The following TBC1D16 variants were observed in gnomAD, a reference collection of about 807,000 sequenced individuals.
The protein encoded by TBC1D16 is CTD-2529O21.1.
Under a neutral mutation model 74.7 loss-of-function variants are expected in TBC1D16, and 58 were observed. The ratio of observed to expected loss-of-function variants is 0.78; its 90% CI spans 0.63 to 0.97. The LOEUF (loss-of-function observed/expected upper bound fraction) is 0.97. TBC1D16 is among the 50% of genes least tolerant of loss of function. The pLI is 0.00. For synonymous variants in TBC1D16, 493 were observed against 474.7 expected, an observed-to-expected ratio of 1.04 and a Z score of -0.50; for missense variants, 1,014 against 1,079.5, an observed-to-expected ratio of 0.94 and a Z score of 0.85.
rs571826078 is a variant in TBC1D16, at chr17:79,987,573, C to T, written c.779+22587G>A. ...ATTTTTAAACCAGAATAAGCAGGTA[C>T]AGAAGTTTGCCTGGTGACCAGGAGT... On this transcript the variant is annotated intron_variant, in intron 3 of 11. Transcript: ENST00000310924. This position sits in a 1 kb window ranked among gnomAD's most constrained non-coding sequence, Gnocchi z 5.2. Among the ~76,000 whole-genome samples, 2 of 152,162 alleles carry T rather than the reference C, an allele frequency of 1.3e-5. No individual in the cohort carries two copies. Among genetic ancestry groups the T allele is most frequent in the East Asian group, 3.9e-4 (2 of 5,164 alleles).
chr17:79,966,568 T>C (rs1422404156), intron 3 of TBC1D16, among the ~76,000 whole-genome samples: 1 of 152,138 alleles, frequency 6.6e-6, no homozygotes. Context: ...TTCCTCCAGG[T>C]TGCTTCCCTT....
chr17:80,010,776 A>G lies in TBC1D16; in HGVS notation c.182-19T>C. The G allele has an allele frequency of 1.2e-5, 17 of 1,464,052 alleles. No homozygotes were observed. The highest frequency in any genetic ancestry group is 1.5e-5 in the Non-Finnish European group (17 of 1,107,126). 90.7% of individuals were successfully genotyped at this position (1,464,052 alleles called of 1,614,324 possible). A position where few individuals can be genotyped will look rare whatever the true frequency, so the allele number is the denominator to read the frequency against. On this transcript the variant is annotated intron_variant, in intron 2 of 11. Coordinates refer to ENST00000310924, the MANE Select transcript of TBC1D16 (RefSeq NM_019020.4). This position sits in a 1 kb window ranked among gnomAD's most constrained non-coding sequence, Gnocchi z 8.8. ...AGGTAACCTGTGAGGAGCCAGGGGG[A>G]TGGCACGTTAGAGGCCAGGAGGCTG...
rs543274304 is a variant in TBC1D16 at position 80,020,716 on chromosome 17, T to C, written c.-62-7107A>G. ...ATAATAAACTCCACATTTTAATACA[T>C]AAATCTTCATCTGTATCCTCATTAT... On this transcript the variant is annotated intron_variant, in intron 1 of 11. Coordinates refer to ENST00000310924, the MANE Select transcript of TBC1D16 (RefSeq NM_019020.4). Among the ~76,000 whole-genome samples, 16 of 150,388 alleles carry C rather than the reference T, an allele frequency of 1.1e-4. 1 individual carries two copies. Among genetic ancestry groups the C allele is most frequent in the African/African-American group, 4.0e-4 (16 of 39,740 alleles).
At position 80,009,220 on chromosome 17, in the gene TBC1D16, T is replaced by C. The variant is rs1017039692; in HGVS notation, c.779+940A>G. On this transcript the variant is annotated intron_variant, in intron 3 of 11. Coordinates refer to ENST00000310924, the MANE Select transcript of TBC1D16 (RefSeq NM_019020.4). The surrounding 1 kb of genome is among the most constrained non-coding windows in gnomAD (Gnocchi z 5.4). ...AACAGTTAATGACCTGCTCGCTGAC[T>C]GATGTCGGCTCTTACTGTTGTCTGT... 6.6e-6 allele frequency among the ~76,000 whole-genome samples: 1 copy of C among 152,252 alleles called. No homozygotes were observed. Among genetic ancestry groups the C allele is most frequent in the African/African-American group, 2.4e-5 (1 of 41,478 alleles).
intron 3 of TBC1D16, among the ~76,000 whole-genome samples, chr17:79,984,504 C>T (rs994069056): frequency 5.9e-5 from 9 of 151,422 alleles, no homozygotes; most frequent in African/African-American, 2.2e-4. Flanking sequence ...TGTCTTTTCC[C>T]TATCTCCCAG....
rs1277769367 is a variant in TBC1D16, at chr17:79,939,542, G to A, written c.*1317C>T. 8 of 152,206 alleles carry A rather than the reference G, an allele frequency of 5.3e-5. No homozygotes were observed. The highest frequency in any genetic ancestry group is 9.7e-5 in the African/African-American group (4 of 41,446). The allele number at this position is 152,206 out of a possible 1,614,324, so 9.4% of individuals were successfully genotyped here. ...AGGGTTTTTCTCCCCAGAAGGACGCGATGGAGGATTTCAGGAGGGATTTGG... is the reference window on the plus strand; with the variant it reads ...AGGGTTTTTCTCCCCAGAAGGACGCAATGGAGGATTTCAGGAGGGATTTGG... On this transcript the variant is annotated 3_prime_UTR_variant, in exon 12 of 12. Transcript: ENST00000310924.
chr17:80,027,370 G>A (rs1332730215), intron 1 of TBC1D16, among the ~76,000 whole-genome samples: 1 of 152,144 alleles, frequency 6.6e-6, no homozygotes. Context: ...GCTGAGTCAA[G>A]AGAATCGCTT....
chr17:79,950,966 G>C lies in TBC1D16; in HGVS notation c.1090-388C>G. On this transcript the variant is annotated intron_variant, in intron 5 of 11. Coordinates refer to ENST00000310924, the MANE Select transcript of TBC1D16 (RefSeq NM_019020.4). This position sits in a 1 kb window ranked among gnomAD's most constrained non-coding sequence, Gnocchi z 4.6. ...CTGCGAGCAGGGAGCCAGCCTGTCA[G>C]ATTGCCTCCGCGAGCAGTCACGAAT... 1.0e-6 allele frequency: 1 copy of C among 973,988 alleles called. No homozygotes were observed. 60.3% of individuals were successfully genotyped at this position (973,988 alleles called of 1,614,324 possible).
chr17:79,978,452 GGGGCGGGGTGGGGGCCGTGGC>G (rs1190768125), intron 3 of TBC1D16, among the ~76,000 whole-genome samples: 2 of 152,234 alleles, frequency 1.3e-5, no homozygotes, highest in African/African-American at 4.8e-5. Context: ...GCCAGCCGTG[GGGGCGGGGTGGGGGCCGTGGC>G]GGGCGGGCAA....
rs2032972894 is a variant in TBC1D16 at position 79,950,552 on chromosome 17, C to T, written c.1116G>A (p.Met372Ile). 1 of 1,612,996 alleles carries T rather than the reference C, an allele frequency of 6.2e-7. No individual in the cohort carries two copies. The highest frequency in any genetic ancestry group is 1.7e-5 in the Admixed American group (1 of 59,922). ...GCTTGGGGCGGCGGATGGAGAACTG[C>T]ATGCATGTCTTATCGGGGGCGACCT... ...DQQVAPDKTCMQFSIRRPKLP... is the reference protein window; with the variant it reads ...DQQVAPDKTCIQFSIRRPKLP... Residue 372 changes from methionine (M) to isoleucine (I), a missense_variant, in exon 6 of 12, where the codon ATG becomes ATA. Physicochemically the swap from Met to Ile is conservative, Grantham distance 10. Transcript: ENST00000310924. This position sits in a 1 kb window ranked among gnomAD's most constrained non-coding sequence, Gnocchi z 4.6.
At chr17:79,968,886 T>C (rs865967687) in intron 3 of TBC1D16, among the ~76,000 whole-genome samples, 4 of 127,872 alleles carry the variant, frequency 3.1e-5, no homozygotes, top group African/African-American at 8.7e-5. Flanking sequence ...ATACAACTCA[T>C]AGAATGGGAG....
At position 79,939,397 on chromosome 17, in the gene TBC1D16, C is replaced by T. The variant is rs182764166; in HGVS notation, c.*1462G>A. On this transcript the variant is annotated 3_prime_UTR_variant, in exon 12 of 12. Transcript: ENST00000310924. ...GCCGGTAAGTGGTGACCTCCGCTTT[C>T]CTGCTGAGGAACACTGCTTTGAAGT... 6.6e-6 allele frequency: 1 copy of T among 152,372 alleles called. No individual in the cohort carries two copies. The highest frequency in any genetic ancestry group is 2.4e-5 in the African/African-American group (1 of 41,572). 9.4% of individuals were successfully genotyped at this position (152,372 alleles called of 1,614,324 possible).
rs540057172 is a variant in TBC1D16 at position 79,951,741 on chromosome 17, A to T, written c.942-144T>A. ...CCCAGTGGAGTTGGCTGCTAGCGGGAGGGGACAGAACTACACCGAACAAAA... is the reference window on the plus strand; with the variant it reads ...CCCAGTGGAGTTGGCTGCTAGCGGGTGGGGACAGAACTACACCGAACAAAA... On this transcript the variant is annotated intron_variant, in intron 4 of 11. Coordinates refer to ENST00000310924, the MANE Select transcript of TBC1D16 (RefSeq NM_019020.4). 135 of 1,016,348 alleles carry T rather than the reference A, an allele frequency of 1.3e-4. No individual in the cohort carries two copies. The South Asian group carries it at 2.2e-3, about 16-fold the overall frequency. 63.0% of individuals were successfully genotyped at this position (1,016,348 alleles called of 1,614,324 possible).
Position 79,986,712 on chromosome 17 carries a change from C to T in TBC1D16, c.779+23448G>A, listed in dbSNP as rs1210317150. On this transcript the variant is annotated intron_variant, in intron 3 of 11. Transcript: ENST00000310924. This position sits in a 1 kb window ranked among gnomAD's most constrained non-coding sequence, Gnocchi z 6.0. Reference sequence around the variant, plus strand: ...GGGTGAACGGGCTTCCTCTCGGAAACCAACATCCTGGTTGGGTTTTCCCTT... The same window carrying T: ...GGGTGAACGGGCTTCCTCTCGGAAATCAACATCCTGGTTGGGTTTTCCCTT... 6.6e-6 allele frequency among the ~76,000 whole-genome samples: 1 copy of T among 152,122 alleles called. No individual in the cohort carries two copies. The highest frequency in any genetic ancestry group is 1.5e-5 in the Non-Finnish European group (1 of 68,034).
chr17:79,965,333 C>T (rs1316167162), intron 3 of TBC1D16, among the ~76,000 whole-genome samples: 5 of 152,042 alleles, frequency 3.3e-5, no homozygotes, highest in African/African-American at 9.7e-5. Context: ...CCGCCTGCCT[C>T]GGCCTCCCAA....
chr17:80,028,603 A>G (rs2036667850), intron 1 of TBC1D16, among the ~76,000 whole-genome samples: 1 of 150,990 alleles, frequency 6.6e-6, no homozygotes, highest in African/African-American at 2.5e-5. Context: ...CTAAACCATC[A>G]GACCGGGGCA....
chr17:79,982,143 T>A (rs1321444454), intron 3 of TBC1D16, among the ~76,000 whole-genome samples: 3 of 151,312 alleles, frequency 2.0e-5, no homozygotes, highest in Non-Finnish European at 4.4e-5. Flanking sequence ...TTTGTGTGGT[T>A]TTTTTTTCTT....
chr17:80,019,412 T>C (rs1022846019), intron 1 of TBC1D16, among the ~76,000 whole-genome samples: 1 of 145,040 alleles, frequency 6.9e-6, no homozygotes, highest in Non-Finnish European at 1.5e-5. Context: ...GGCTCCTCCA[T>C]CACCCGCCAC....
At chr17:80,020,889 T>A (rs2036259985) in intron 1 of TBC1D16, among the ~76,000 whole-genome samples, 1 of 149,892 alleles carries the variant, frequency 6.7e-6, no homozygotes, top group Non-Finnish European at 1.5e-5. Flanking sequence ...GGCACAGTGG[T>A]TCACACTTGT....
Sources: allele counts gnomAD v4.1 joint callset (sites outside exome capture counted in the v4.1 genomes callset), GRCh38; gene constraint gnomAD v4.1.1; non-coding constraint Gnocchi (gnomAD v3.1); transcripts MANE v1.5; gene names NCBI Gene and HGNC (gene_info 2026-07-23, HGNC 2026-07-21).